The following RHOF variants were observed in gnomAD, a reference collection of about 807,000 sequenced individuals.
The protein encoded by RHOF is rho-related GTP-binding protein RhoF.
In RHOF, 21 loss-of-function variants were observed where a neutral mutation model predicts 22.2. The ratio of observed to expected loss-of-function variants is 0.95; its 90% CI spans 0.67 to 1.36. The LOEUF (loss-of-function observed/expected upper bound fraction) is 1.36, where lower values mean the gene tolerates loss of function less well. Ranked by LOEUF, RHOF falls within the 40% of genes most tolerant of loss-of-function variation. The probability of loss-of-function intolerance (pLI) is 0.00; values close to 1 mark genes in which losing one functional copy is unlikely to be tolerated. For missense variants in RHOF, 285 were observed against 293.7 expected, an observed-to-expected ratio of 0.97 and a Z score of 0.22; for synonymous variants, 135 against 131.2, an observed-to-expected ratio of 1.03 and a Z score of -0.20.
rs1874322540 is a variant in RHOF at position 121,778,470 on chromosome 12, A to AAAAAAAT, written c.*1027_*1028insATTTTTT. On this transcript the variant is annotated 3_prime_UTR_variant, in exon 5 of 5. Coordinates refer to ENST00000267205, the MANE Select transcript of RHOF (RefSeq NM_019034.3). ...TGTCCCAAAAAAAAAAAAAAAAAAA[A>AAAAAAAT]ATTCCCAGACCCTCGGCCCCAGACC... is the stretch of plus-strand genomic sequence containing the variant. The AAAAAAAT allele has an allele frequency of 6.6e-6, 1 of 152,202 alleles. No individual in the cohort carries two copies. Among genetic ancestry groups the AAAAAAAT allele is most frequent in the Admixed American group, 6.6e-5 (1 of 15,152 alleles). 9.4% of individuals were successfully genotyped at this position (152,202 alleles called of 1,614,324 possible). A position where few individuals can be genotyped will look rare whatever the true frequency, so the allele number is the denominator to read the frequency against.
intron 2 of RHOF, among the ~76,000 whole-genome samples, chr12:121,791,902 A>G (rs1273806462): frequency 2.0e-5 from 3 of 152,244 alleles, no homozygotes; most frequent in Admixed American, 6.5e-5. Flanking sequence ...CTGCACAGGA[A>G]ACATGAGAGT....
chr12:121,781,444 C>T lies in RHOF; in HGVS notation c.227-252G>A, dbSNP rs1874454335. The stretch of plus-strand genomic sequence containing the variant: ...CGTGATCATGCCACTGCACTCCAGC[C>T]TGGGTGACAGAGCGAGACCCTGTCT... On this transcript the variant is annotated intron_variant, in intron 2 of 4. Coordinates refer to ENST00000267205, the MANE Select transcript of RHOF (RefSeq NM_019034.3). The T allele has an allele frequency of 1.1e-5, 5 of 452,274 alleles. No homozygotes were observed. The East Asian group carries it at 2.2e-4, about 20-fold the overall frequency. 28.0% of individuals were successfully genotyped at this position (452,274 alleles called of 1,614,324 possible). A position where few individuals can be genotyped will look rare whatever the true frequency, so the allele number is the denominator to read the frequency against.
chr12:121,783,762 A>G (rs190529426), intron 2 of RHOF, among the ~76,000 whole-genome samples: 254 of 152,174 alleles, frequency 1.7e-3, no homozygotes, highest in Non-Finnish European at 2.9e-3. Context: ...GATTACAGGG[A>G]TGAAATTTTT....
chr12:121,793,668 G>A lies in RHOF; in HGVS notation c.-35C>T. The A allele has an allele frequency of 6.7e-7, 1 of 1,491,028 alleles. No individual in the cohort carries two copies. The allele number at this position is 1,491,028 out of a possible 1,614,324, so 92.4% of individuals were successfully genotyped here. On this transcript the variant is annotated 5_prime_UTR_variant, in exon 1 of 5. Transcript: ENST00000267205. ...CCCGCAGCACTGGCGGCGGCGCGCC[G>A]GGCACTAGCGGAGCCAAGAGGTCGG...
intron 2 of RHOF, among the ~76,000 whole-genome samples, chr12:121,788,490 G>A (rs556671485): frequency 2.0e-5 from 3 of 152,242 alleles, no homozygotes; most frequent in Admixed American, 2.0e-4. Context: ...GGGGGGACCA[G>A]GCCTGCAGAG....
At chr12:121,781,852 C>G (rs1874470582) in intron 2 of RHOF, 1 of 152,250 alleles carries the variant, frequency 6.6e-6, no homozygotes, top group African/African-American at 2.4e-5. Flanking sequence ...CGAGCGCCCT[C>G]CCCACCCAGA....
chr12:121,793,658 G>A lies in RHOF; in HGVS notation c.-25C>T, dbSNP rs1276440859. 6.6e-7 allele frequency: 1 copy of A among 1,515,062 alleles called. No homozygotes were observed. The allele number at this position is 1,515,062 out of a possible 1,614,324, so 93.9% of individuals were successfully genotyped here. A position where few individuals can be genotyped will look rare whatever the true frequency, so the allele number is the denominator to read the frequency against. On this transcript the variant is annotated 5_prime_UTR_variant, in exon 1 of 5. Coordinates refer to ENST00000267205, the MANE Select transcript of RHOF (RefSeq NM_019034.3). ...TTGCCCGGAGCCCGCAGCACTGGCG[G>A]CGGCGCGCCGGGCACTAGCGGAGCC...
At chr12:121,792,487 C>T (rs528813561) in intron 2 of RHOF, among the ~76,000 whole-genome samples, 173 of 152,236 alleles carry the variant, frequency 1.1e-3, no homozygotes, top group African/African-American at 4.1e-3. Flanking sequence ...TGGTGTGGGG[C>T]CCCTGCCCCC....
intron 2 of RHOF, among the ~76,000 whole-genome samples, chr12:121,786,336 G>A (rs1388411520): frequency 2.0e-5 from 3 of 152,184 alleles, no homozygotes; most frequent in Non-Finnish European, 2.9e-5. Flanking sequence ...GATTACAGGC[G>A]TGAGCCACCA....
chr12:121,783,316 G>GCCCCCC lies in RHOF; in HGVS notation c.227-2130_227-2125dup, dbSNP rs34610572. 1.6e-4 allele frequency among the ~76,000 whole-genome samples: 19 copies of GCCCCCC among 117,082 alleles called. 1 individual carries two copies. Among genetic ancestry groups the GCCCCCC allele is most frequent in the African/African-American group, 5.6e-4 (16 of 28,430 alleles). 76.8% of individuals were successfully genotyped at this position (117,082 alleles called of 152,430 possible). On this transcript the variant is annotated intron_variant, in intron 2 of 4. Transcript: ENST00000267205. ...GAAGCATCTTCAATGGCTCCCTATT[G>GCCCCCC]CCCCCCCCCCCACCTTTTCTTTGAG...
intron 2 of RHOF, among the ~76,000 whole-genome samples, chr12:121,790,256 CCT>C (rs1314355522): frequency 2.6e-5 from 4 of 152,380 alleles, no homozygotes; most frequent in Admixed American, 6.5e-5. Flanking sequence ...GAGAGCCACC[CCT>C]GTCTCACAGC....
intron 2 of RHOF, among the ~76,000 whole-genome samples, chr12:121,787,319 T>C (rs7308123): frequency 0.22 from 32,788 of 152,026 alleles, 4,302 homozygotes; most frequent in African/African-American, 0.37. Context: ...GTGCGCTGGG[T>C]GGGGACAGTT....
rs1566535942 is a variant in RHOF at position 121,793,163 on chromosome 12, T to C, written c.215A>G (p.Tyr72Cys). 41 of 1,550,326 alleles carry C rather than the reference T, an allele frequency of 2.6e-5. No homozygotes were observed. Among genetic ancestry groups the C allele is most frequent in the Non-Finnish European group, 3.5e-5 (40 of 1,146,780 alleles). ...VGSKEVTLNL[Y>C]DTAGQEDYDR... ...GCAGGCGCACTCACCGGCCGTGTCG[T>C]AGAGGTTCAGGGTCACCTCCTTGCT... Residue 72 changes from tyrosine to cysteine, a missense_variant, in exon 2 of 5, where the codon TAC (tyrosine) becomes TGC (cysteine). Tyr to Cys is a radical substitution (Grantham distance 194). Coordinates refer to ENST00000267205, the MANE Select transcript of RHOF (RefSeq NM_019034.3).
intron 2 of RHOF, among the ~76,000 whole-genome samples, chr12:121,789,958 G>T (rs1194492875): frequency 1.3e-5 from 2 of 152,120 alleles, no homozygotes; most frequent in South Asian, 2.1e-4. Context: ...ACCTCACCCC[G>T]CCTCCCCCGG....
Position 121,793,612 on chromosome 12 carries a change from C to A in RHOF, c.22G>T (p.Ala8Ser). ...CCCGGACCGGGGGCGGCGGTCTGGGCCAGGGCCCCGGGGGCATCCATTGCC... is the reference window on the plus strand; with the variant it reads ...CCCGGACCGGGGGCGGCGGTCTGGGACAGGGCCCCGGGGGCATCCATTGCC... MDAPGAL[A>S]QTAAPGPGRK... is the part of the protein sequence containing the mutation. Residue 8 changes from alanine to serine, a missense_variant, in exon 1 of 5, where the codon GCC (alanine) becomes TCC (serine). Coordinates refer to ENST00000267205, the MANE Select transcript of RHOF (RefSeq NM_019034.3). The A allele has an allele frequency of 6.5e-7, 1 of 1,548,576 alleles. No individual in the cohort carries two copies. Among genetic ancestry groups the A allele is most frequent in the East Asian group, 2.4e-5 (1 of 41,936 alleles).
chr12:121,789,460 C>T (rs1874706130), intron 2 of RHOF, among the ~76,000 whole-genome samples: 1 of 152,138 alleles, frequency 6.6e-6, no homozygotes, highest in Admixed American at 6.5e-5. Flanking sequence ...GGACAGGGGT[C>T]TCTAAGGCCC....
intron 2 of RHOF, among the ~76,000 whole-genome samples, chr12:121,786,911 A>G (rs7300684): frequency 0.2 from 31,020 of 152,042 alleles, 3,742 homozygotes; most frequent in African/African-American, 0.33. Flanking sequence ...GGGGCCAGGC[A>G]CGTGTAGTCC....
intron 2 of RHOF, among the ~76,000 whole-genome samples, chr12:121,788,795 G>C (rs1004506152): frequency 6.6e-6 from 1 of 152,152 alleles, no homozygotes; most frequent in African/African-American, 2.4e-5. Flanking sequence ...CAGTGCAGGG[G>C]CAGGGGTGGA....
At chr12:121,792,206 C>T (rs1874783359) in intron 2 of RHOF, among the ~76,000 whole-genome samples, 1 of 150,030 alleles carries the variant, frequency 6.7e-6, no homozygotes, top group African/African-American at 2.5e-5. Flanking sequence ...TGTCTGACCT[C>T]ACCTCACACA....
Sources: allele counts gnomAD v4.1 joint callset (sites outside exome capture counted in the v4.1 genomes callset), GRCh38; gene constraint gnomAD v4.1.1; transcripts MANE v1.5; gene names NCBI Gene and HGNC (gene_info 2026-07-23, HGNC 2026-07-21).